The following TOP6BL variants were observed in gnomAD, a reference collection of about 807,000 sequenced individuals.
TOP6BL encodes the protein type 2 DNA topoisomerase 6 subunit B-like.
the TOP6BL span, chr11:66,813,790 GTTGT>G: frequency 1.2e-5 from 17 of 1,395,678 alleles, no homozygotes; most frequent in South Asian, 2.4e-5. Context: ...CCAGGTCAGT[GTTGT>G]TTGTTTGTTA....
the TOP6BL span, among the ~76,000 whole-genome samples, chr11:66,761,395 A>G: frequency 6.6e-6 from 1 of 152,122 alleles, no homozygotes; most frequent in East Asian, 1.9e-4. Context: ...AAAAAGATAA[A>G]AAGGAAAAAA....
At chr11:66,774,519 T>C in the TOP6BL span, among the ~76,000 whole-genome samples, 2 of 152,146 alleles carry the variant, frequency 1.3e-5, no homozygotes, top group African/African-American at 4.8e-5. Flanking sequence ...AGTGGCACAA[T>C]CTCGGCTCAC....
At chr11:66,761,539 C>T in the TOP6BL span, 1 of 988,014 alleles carries the variant, frequency 1.0e-6, no homozygotes, top group Non-Finnish European at 1.4e-6. Context: ...TGGCCAAAGC[C>T]TGCCATAAAA....
the TOP6BL span, among the ~76,000 whole-genome samples, chr11:66,790,956 GCATTAGC>G: frequency 6.6e-6 from 1 of 152,178 alleles, no homozygotes; most frequent in African/African-American, 2.4e-5. Context: ...TAGTCAAACG[GCATTAGC>G]CTCAAGGGAA....
At chr11:66,804,048 T>C in the TOP6BL span, 5 of 1,614,038 alleles carry the variant, frequency 3.1e-6, no homozygotes, top group East Asian at 4.5e-5. Flanking sequence ...CACCCTGTGC[T>C]AGGACATCCA....
At chr11:66,745,887 C>T in the TOP6BL span, among the ~76,000 whole-genome samples, 1 of 152,180 alleles carries the variant, frequency 6.6e-6, no homozygotes, top group East Asian at 1.9e-4. Context: ...CCCGGCTCAC[C>T]GCAGTCTCCG....
the TOP6BL span, among the ~76,000 whole-genome samples, chr11:66,801,846 TA>T: frequency 6.6e-6 from 1 of 151,648 alleles, no homozygotes; most frequent in Non-Finnish European, 1.5e-5. Context: ...AATAAATAAA[TA>T]AAAAATGTAA....
the TOP6BL span, among the ~76,000 whole-genome samples, chr11:66,782,899 T>G: frequency 2.6e-5 from 4 of 152,192 alleles, no homozygotes; most frequent in Admixed American, 6.5e-5. Flanking sequence ...CTGATAATGA[T>G]CTCTTTCTTC....
chr11:66,811,752 A>G, the TOP6BL span, among the ~76,000 whole-genome samples: 6 of 152,220 alleles, frequency 3.9e-5, no homozygotes, highest in Non-Finnish European at 8.8e-5. Context: ...GTTATAACTA[A>G]TAACTTAAAA....
At chr11:66,761,333 T>C in the TOP6BL span, among the ~76,000 whole-genome samples, 1 of 150,106 alleles carries the variant, frequency 6.7e-6, no homozygotes, top group Non-Finnish European at 1.5e-5. Context: ...ATTGCGCCAC[T>C]GCACAACAGC....
At chr11:66,808,942 TTGTGTG>T in the TOP6BL span, among the ~76,000 whole-genome samples, 24 of 151,832 alleles carry the variant, frequency 1.6e-4, no homozygotes, top group Non-Finnish European at 3.4e-4. Flanking sequence ...TGAGACAGAT[TTGTGTG>T]TGTGTGTGCG....
the TOP6BL span, among the ~76,000 whole-genome samples, chr11:66,753,342 T>C: frequency 6.6e-6 from 1 of 152,040 alleles, no homozygotes; most frequent in East Asian, 1.9e-4. Context: ...TGGAAGACTT[T>C]TATGGGGTAG....
chr11:66,843,116 G>C, the TOP6BL span: 6 of 1,601,658 alleles, frequency 3.7e-6, no homozygotes, highest in South Asian at 6.7e-5. Flanking sequence ...AGGAGGTGCA[G>C]GCCACGGGCC....
the TOP6BL span, chr11:66,838,318 C>T: frequency 1.3e-5 from 20 of 1,536,014 alleles, no homozygotes; most frequent in Non-Finnish European, 1.8e-5. Context: ...TTCACTAGGG[C>T]TCGTTCATGT....
At chr11:66,834,972 G>A in the TOP6BL span, among the ~76,000 whole-genome samples, 1,336 of 149,934 alleles carry the variant, frequency 8.9e-3, 23 homozygotes, top group African/African-American at 0.03. Flanking sequence ...AACCCAGAAT[G>A]AGCAGGAGTA....
the TOP6BL span, among the ~76,000 whole-genome samples, chr11:66,832,141 A>G: frequency 6.7e-6 from 1 of 149,390 alleles, no homozygotes; most frequent in African/African-American, 2.5e-5. Context: ...TCTGTCGCCC[A>G]GGCTGGAGTG....
At chr11:66,843,479 G>A in the TOP6BL span, 22 of 1,465,414 alleles carry the variant, frequency 1.5e-5, no homozygotes, top group East Asian at 8.4e-5. Flanking sequence ...GCGGGGATGG[G>A]CTGCGACTGC....
chr11:66,831,184 G>A, the TOP6BL span, among the ~76,000 whole-genome samples: 3 of 152,136 alleles, frequency 2.0e-5, no homozygotes, highest in East Asian at 1.9e-4. Context: ...CAAGCACTTC[G>A]GAGAACAGTT....
At chr11:66,843,287 T>G in the TOP6BL span, 1 of 1,590,546 alleles carries the variant, frequency 6.3e-7, no homozygotes, top group Non-Finnish European at 8.5e-7. Flanking sequence ...GGGCAGCCGT[T>G]ATCCCGTGGT....
Sources: allele counts gnomAD v4.1 joint callset (sites outside exome capture counted in the v4.1 genomes callset), GRCh38; gene constraint gnomAD v4.1.1; transcripts MANE v1.5; gene names NCBI Gene and HGNC (gene_info 2026-07-23, HGNC 2026-07-21).